Variants in PEX5L observed in about 807,000 individuals in gnomAD.
PEX5L encodes peroxisomal biogenesis factor 5 like.
Under a neutral mutation model 84.0 loss-of-function variants are expected in PEX5L, and 30 were observed. The ratio of observed to expected loss-of-function variants is 0.36; its 90% CI spans 0.27 to 0.48. The LOEUF (loss-of-function observed/expected upper bound fraction) is 0.48, where lower values mean the gene tolerates loss of function less well. Among genes scored for constraint, PEX5L ranks in the 20% least tolerant of loss-of-function variants. PEX5L has a pLI of 0.99. For missense variants in PEX5L, 533 were observed against 754.6 expected (o/e 0.71, Z 3.44); for synonymous variants, 270 against 283.1 (o/e 0.95, Z 0.46).
chr3:179,965,464 C>A (rs1311198180), intron 2 of PEX5L, among the ~76,000 whole-genome samples: 1 of 152,140 alleles, frequency 6.6e-6, no homozygotes, highest in Non-Finnish European at 1.5e-5. Flanking sequence ...ACTGCTTACT[C>A]CAAAGTCTTC....
chr3:179,832,248 A>C (rs556341347), intron 8 of PEX5L, among the ~76,000 whole-genome samples: 4 of 151,880 alleles, frequency 2.6e-5, no homozygotes, highest in African/African-American at 9.7e-5. Context: ...AAAGAGAGAG[A>C]GAGACAGAGA....
intron 3 of PEX5L, among the ~76,000 whole-genome samples, chr3:179,891,915 A>G (rs1482618865): frequency 6.6e-6 from 1 of 152,158 alleles, no homozygotes; most frequent in African/African-American, 2.4e-5. Flanking sequence ...TTTAAGCTTA[A>G]TTTCCAAATT....
chr3:179,884,808 G>T (rs1376922813), intron 4 of PEX5L, among the ~76,000 whole-genome samples: 2 of 152,080 alleles, frequency 1.3e-5, no homozygotes, highest in Admixed American at 6.5e-5. Context: ...GATTTAAATA[G>T]TTGGCAGTCT....
chr3:179,986,380 G>A (rs1055460163), intron 1 of PEX5L, among the ~76,000 whole-genome samples: 1 of 148,986 alleles, frequency 6.7e-6, no homozygotes, highest in Non-Finnish European at 1.5e-5. Context: ...GAAATGGAAA[G>A]TCCTAACCAT....
At chr3:179,806,461 T>G (rs1231152074) in intron 14 of PEX5L, among the ~76,000 whole-genome samples, 1 of 152,212 alleles carries the variant, frequency 6.6e-6, no homozygotes, top group Non-Finnish European at 1.5e-5. Flanking sequence ...ACAGTTAATC[T>G]AGTGACTAAT....
At chr3:179,847,075 G>GTA (rs1392183665) in intron 8 of PEX5L, among the ~76,000 whole-genome samples, 3 of 67,578 alleles carry the variant, frequency 4.4e-5, no homozygotes, top group African/African-American at 1.5e-4. Context: ...GTGTGTGTGT[G>GTA]TGTGTGTATA....
At chr3:180,001,349 A>T (rs547676024) in intron 1 of PEX5L, among the ~76,000 whole-genome samples, 1 of 148,126 alleles carries the variant, frequency 6.8e-6, no homozygotes, top group Admixed American at 6.8e-5. Flanking sequence ...TAAAATATAT[A>T]ATATATATGG....
intron 8 of PEX5L, among the ~76,000 whole-genome samples, chr3:179,844,380 T>A (rs1483602830): frequency 6.6e-6 from 1 of 152,220 alleles, no homozygotes. Context: ...TCAATCTAAT[T>A]TATGAGGTGA....
At chr3:179,824,706 C>CAAA (rs11296415) in intron 8 of PEX5L, among the ~76,000 whole-genome samples, 115 of 70,408 alleles carry the variant, frequency 1.6e-3, no homozygotes, top group East Asian at 2.3e-3. Flanking sequence ...AACTCCATCT[C>CAAA]AAAAAAAAAA....
intron 2 of PEX5L, among the ~76,000 whole-genome samples, chr3:179,953,192 G>A (rs1377683185): frequency 3.9e-5 from 6 of 152,098 alleles, no homozygotes; most frequent in African/African-American, 9.7e-5. Context: ...ATAGGCATGG[G>A]CAAAGACTTC....
intron 8 of PEX5L, among the ~76,000 whole-genome samples, chr3:179,854,624 T>C (rs908842776): frequency 6.6e-6 from 1 of 152,228 alleles, no homozygotes; most frequent in African/African-American, 2.4e-5. Context: ...TGGAAGGTTA[T>C]ATGGCACTTT....
At chr3:180,030,879 G>A (rs1052984998) in intron 1 of PEX5L, among the ~76,000 whole-genome samples, 5 of 151,020 alleles carry the variant, frequency 3.3e-5, no homozygotes, top group African/African-American at 1.2e-4. Flanking sequence ...TTTCACTTGG[G>A]TCAGGTTAAC....
intron 2 of PEX5L, among the ~76,000 whole-genome samples, chr3:179,947,479 C>T (rs116157831): frequency 4.7e-4 from 72 of 152,014 alleles, no homozygotes; most frequent in African/African-American, 1.7e-3. Context: ...AGGAACTTAA[C>T]CATAATCTCA....
chr3:179,984,785 T>C (rs1279580540), intron 1 of PEX5L, among the ~76,000 whole-genome samples: 2 of 152,214 alleles, frequency 1.3e-5, no homozygotes, highest in Non-Finnish European at 2.9e-5. Flanking sequence ...TTAGTATATA[T>C]CTGAATTGTA....
At chr3:179,951,502 AC>A (rs1487563144) in intron 2 of PEX5L, among the ~76,000 whole-genome samples, 2 of 152,140 alleles carry the variant, frequency 1.3e-5, no homozygotes, top group African/African-American at 4.8e-5. Flanking sequence ...ATTATTTTTT[AC>A]CTTTCTAGCC....
At chr3:179,828,333 A>G (rs907483599) in intron 8 of PEX5L, among the ~76,000 whole-genome samples, 3 of 152,144 alleles carry the variant, frequency 2.0e-5, no homozygotes, top group Non-Finnish European at 4.4e-5. Context: ...GCCAAGATAC[A>G]TGTTTTCTCC....
chr3:180,003,421 T>C (rs1464165854), intron 1 of PEX5L, among the ~76,000 whole-genome samples: 1 of 152,086 alleles, frequency 6.6e-6, no homozygotes, highest in African/African-American at 2.4e-5. Context: ...TAACCTGCCA[T>C]AGATTTTAAT....
At chr3:179,943,725 G>A (rs1434850967) in intron 2 of PEX5L, among the ~76,000 whole-genome samples, 1 of 152,176 alleles carries the variant, frequency 6.6e-6, no homozygotes, top group Non-Finnish European at 1.5e-5. Flanking sequence ...TTATATATGA[G>A]AGAGAAAAAC....
chr3:179,999,658 A>G (rs540285372), intron 1 of PEX5L, among the ~76,000 whole-genome samples: 8 of 152,292 alleles, frequency 5.3e-5, no homozygotes, highest in African/African-American at 1.9e-4. Flanking sequence ...GGGTTTGCCT[A>G]TTCTGCATGC....
Sources: allele counts gnomAD v4.1 joint callset (sites outside exome capture counted in the v4.1 genomes callset), GRCh38; gene constraint gnomAD v4.1.1; transcripts MANE v1.5; gene names NCBI Gene and HGNC (gene_info 2026-07-23, HGNC 2026-07-21).